Variants in DIAPH2 observed in about 807,000 individuals in gnomAD.
The protein encoded by DIAPH2 is protein diaphanous homolog 2.
A neutral mutation model predicts 92.7 loss-of-function variants in DIAPH2; 35 were observed. The observed-to-expected ratio is 0.38, with a 90% CI of 0.29 to 0.50. The LOEUF (loss-of-function observed/expected upper bound fraction) is 0.50, where lower values mean the gene tolerates loss of function less well. DIAPH2 is among the 20% of genes least tolerant of loss of function. The pLI, the probability that DIAPH2 is intolerant of heterozygous loss-of-function variation, is 0.94. For missense variants in DIAPH2, 701 were observed against 819.5 expected, an observed-to-expected ratio of 0.86 and a Z score of 1.77; for synonymous variants, 301 against 280.4, an observed-to-expected ratio of 1.07 and a Z score of -0.73.
At chrX:97,157,696 A>G (rs985726701) in intron 22 of DIAPH2, among the ~76,000 whole-genome samples, 15 of 111,601 alleles carry the variant, frequency 1.3e-4, no homozygotes, top group African/African-American at 3.9e-4. Flanking sequence ...CGCAAGATCC[A>G]AGAACCCTCT....
intron 26 of DIAPH2, among the ~76,000 whole-genome samples, chrX:97,542,641 G>A (rs899826744): frequency 9.0e-6 from 1 of 111,634 alleles, no homozygotes; most frequent in Admixed American, 9.5e-5. Context: ...GTTCAAAGCT[G>A]ATGGATTAGC....
In DIAPH2 at chrX:96,863,978, G is replaced by A. The variant is rs1327120022; in HGVS notation, c.448-17601G>A. ...CTCCGGATGGGGAGGTGGGAGGATC[G>A]CTTGAGCCCAGGAGGTCAATGCTGC... is the stretch of plus-strand genomic sequence containing the variant. On this transcript the variant is annotated intron_variant, in intron 4 of 26. Coordinates refer to ENST00000324765, the MANE Select transcript of DIAPH2 (RefSeq NM_006729.5). 8.1e-5 allele frequency among the ~76,000 whole-genome samples: 9 copies of A among 111,198 alleles called. No individual in the cohort carries two copies. In the East Asian group the frequency reaches 2.6e-3, roughly 32 times the overall value.
intron 17 of DIAPH2, among the ~76,000 whole-genome samples, chrX:97,007,070 C>G (rs957884239): frequency 3.6e-5 from 4 of 111,626 alleles, no homozygotes; most frequent in African/African-American, 1.3e-4. Context: ...AAACTCTACA[C>G]TTTAGCCTCA....
chrX:96,924,854 A>G (rs1413369988), intron 9 of DIAPH2, among the ~76,000 whole-genome samples: 1 of 110,932 alleles, frequency 9.0e-6, no homozygotes, highest in African/African-American at 3.3e-5. Flanking sequence ...GACCGCCCCC[A>G]TGATCCAGTC....
chrX:97,269,500 C>G (rs781330348), intron 23 of DIAPH2, among the ~76,000 whole-genome samples: 1 of 111,951 alleles, frequency 8.9e-6, no homozygotes, highest in African/African-American at 3.2e-5. Context: ...AGACAATGTT[C>G]TAAATGTCTT....
intron 26 of DIAPH2, among the ~76,000 whole-genome samples, chrX:97,540,809 G>A (rs2071134207): frequency 8.9e-6 from 1 of 111,857 alleles, no homozygotes. Context: ...ACAGTAATGT[G>A]GCAGCTTTGT....
chrX:96,908,944 A>G (rs1449882648), intron 5 of DIAPH2, among the ~76,000 whole-genome samples: 1 of 111,651 alleles, frequency 9.0e-6, no homozygotes, highest in African/African-American at 3.2e-5. Context: ...GGGAGGGCAC[A>G]GTATGGTTGG....
chrX:97,310,638 G>A (rs139644075), intron 23 of DIAPH2, among the ~76,000 whole-genome samples: 28 of 111,762 alleles, frequency 2.5e-4, no homozygotes, highest in African/African-American at 8.8e-4. Flanking sequence ...ATGAATGAGA[G>A]GGAGAGTCGT....
intron 23 of DIAPH2, among the ~76,000 whole-genome samples, chrX:97,319,984 C>T (rs1300839933): frequency 1.9e-5 from 2 of 106,394 alleles, no homozygotes. Context: ...CCTGTAATCA[C>T]AGTTACTTGG....
intron 21 of DIAPH2, among the ~76,000 whole-genome samples, chrX:97,129,121 C>CTTTTCTTTTCTTTT (rs2067115426): frequency 1.4e-5 from 1 of 74,042 alleles, no homozygotes; most frequent in Admixed American, 1.7e-4. Flanking sequence ...CTTTTCTTTT[C>CTTTTCTTTTCTTTT]TTTTCTTTTC....
Position 97,602,212 on chromosome X carries a change from CAT to C in DIAPH2, c.*2896_*2897del, listed in dbSNP as rs1188025332. On this transcript the variant is annotated 3_prime_UTR_variant, in exon 27 of 27. Transcript: ENST00000324765. ...TTTGGCCCAAAATTTATGTCTGTCT[CAT>C]GTGTAAAAGACATTCATCCCATCCT... The C allele has an allele frequency of 8.9e-6, 1 of 112,473 alleles. No individual in the cohort carries two copies. Among genetic ancestry groups the C allele is most frequent in the Non-Finnish European group, 1.9e-5 (1 of 53,289 alleles). The allele number at this position is 112,473 out of a possible 1,213,427, so 9.3% of individuals were successfully genotyped here.
intron 26 of DIAPH2, among the ~76,000 whole-genome samples, chrX:97,434,699 C>T (rs746849373): frequency 3.2e-4 from 35 of 111,026 alleles, no homozygotes; most frequent in Middle Eastern, 4.6e-3. Context: ...TGTGAGCTAC[C>T]GCACCCAGCC....
At chrX:97,176,748 T>C (rs547639030) in intron 22 of DIAPH2, among the ~76,000 whole-genome samples, 15 of 111,103 alleles carry the variant, frequency 1.4e-4, no homozygotes, top group Non-Finnish European at 2.3e-4. Flanking sequence ...AGGATGGTCT[T>C]GATCTCCTGA....
chrX:97,551,983 G>T (rs1287602359), intron 26 of DIAPH2, among the ~76,000 whole-genome samples: 1 of 111,582 alleles, frequency 9.0e-6, no homozygotes. Context: ...ACTCAGCTAA[G>T]GATCATGGAA....
chrX:96,838,944 A>C lies in DIAPH2; in HGVS notation c.448-42635A>C, dbSNP rs758054602. Among the ~76,000 whole-genome samples, 4 of 111,726 alleles carry C rather than the reference A, an allele frequency of 3.6e-5. No individual in the cohort carries two copies. The South Asian group carries it at 1.5e-3, about 42-fold the overall frequency. On this transcript the variant is annotated intron_variant, in intron 4 of 26. Transcript: ENST00000324765. ...AGAGTAGGTGATTCTCCTGCCAGAAAATTTGGCTTCTAATGTTTATCATCA... is the reference window on the plus strand; with the variant it reads ...AGAGTAGGTGATTCTCCTGCCAGAACATTTGGCTTCTAATGTTTATCATCA...
intron 22 of DIAPH2, among the ~76,000 whole-genome samples, chrX:97,163,848 T>C (rs1159460527): frequency 8.9e-6 from 1 of 112,678 alleles, no homozygotes; most frequent in Non-Finnish European, 1.9e-5. Flanking sequence ...CCCTAGGAAT[T>C]TGCCATTCTT....
At chrX:97,351,152 G>A (rs901503308) in intron 24 of DIAPH2, among the ~76,000 whole-genome samples, 1 of 112,324 alleles carries the variant, frequency 8.9e-6, no homozygotes, top group Admixed American at 9.4e-5. Flanking sequence ...TTTTGAACGT[G>A]GGTGGGACAT....
intron 26 of DIAPH2, among the ~76,000 whole-genome samples, chrX:97,461,612 G>C (rs1221188251): frequency 9.0e-6 from 1 of 111,315 alleles, no homozygotes; most frequent in Non-Finnish European, 1.9e-5. Context: ...GGAAGAATTA[G>C]ATAAAGCAGC....
rs968295606 is a variant in DIAPH2 at position 96,829,451 on chromosome X, A to G, written c.448-52128A>G. Among the ~76,000 whole-genome samples the G allele has an allele frequency of 2.9e-4, 17 of 58,598 alleles. No individual in the cohort carries two copies. The East Asian group carries it at 6.5e-3, about 22-fold the overall frequency. 50.9% of individuals were successfully genotyped at this position (58,598 alleles called of 115,157 possible). A position where few individuals can be genotyped will look rare whatever the true frequency, so the allele number is the denominator to read the frequency against. ...TTTACATATATATATGTATATATAT[A>G]TATATATATAAAACAAGGCAAATGA... On this transcript the variant is annotated intron_variant, in intron 4 of 26. Transcript: ENST00000324765.
Sources: allele counts gnomAD v4.1 joint callset (sites outside exome capture counted in the v4.1 genomes callset), GRCh38; gene constraint gnomAD v4.1.1; transcripts MANE v1.5; gene names NCBI Gene and HGNC (gene_info 2026-07-23, HGNC 2026-07-21).